The following THADA variants were observed in gnomAD, a reference collection of about 807,000 sequenced individuals.
THADA encodes the protein THADA armadillo repeat containing.
A neutral mutation model predicts 219.8 loss-of-function variants in THADA; 213 were observed. The observed-to-expected ratio is 0.97, with a 90% CI of 0.87 to 1.09. The LOEUF is 1.09. Among genes scored for constraint, THADA ranks in the 50% least tolerant of loss-of-function variants. The probability of loss-of-function intolerance (pLI) is 0.00; values close to 1 mark genes in which losing one functional copy is unlikely to be tolerated. For synonymous variants in THADA, 1,018 were observed against 828.9 expected, an observed-to-expected ratio of 1.23 and a Z score of -3.92; for missense variants, 2,956 against 2,311.3, an observed-to-expected ratio of 1.28 and a Z score of -5.72.
chr2:43,267,735 C>G (rs72877315), intron 36 of THADA, among the ~76,000 whole-genome samples: 1,836 of 150,310 alleles, frequency 0.012, 27 homozygotes, highest in African/African-American at 0.04. Flanking sequence ...GTCAGAGCAC[C>G]AAGAAAGAAG....
intron 26 of THADA, among the ~76,000 whole-genome samples, chr2:43,480,166 G>T (rs1686016761): frequency 6.6e-6 from 1 of 152,226 alleles, no homozygotes; most frequent in South Asian, 2.1e-4. Flanking sequence ...ATGGCCACAG[G>T]CAAGTAGCTA....
rs897258404 is a variant in THADA at position 43,280,040 on chromosome 2, G to C, written c.5165-144C>G. The stretch of plus-strand genomic sequence containing the variant: ...TTTCTGGGTATTGTTAAGATAGAAA[G>C]AGTGTTAGACAAACATTGGCAAAGA... On this transcript the variant is annotated intron_variant, in intron 35 of 37. Transcript: ENST00000405975. 1.2e-5 allele frequency: 11 copies of C among 883,192 alleles called. No individual in the cohort carries two copies. In the African/African-American group the frequency reaches 1.8e-4, roughly 14 times the overall value. 54.7% of individuals were successfully genotyped at this position (883,192 alleles called of 1,614,324 possible). A position where few individuals can be genotyped will look rare whatever the true frequency, so the allele number is the denominator to read the frequency against.
intron 36 of THADA, among the ~76,000 whole-genome samples, chr2:43,251,494 G>C (rs1358865920): frequency 1.3e-5 from 2 of 152,208 alleles, no homozygotes; most frequent in Non-Finnish European, 1.5e-5. Context: ...CTCTCTAAAA[G>C]CAGAAGCCCC....
chr2:43,360,040 A>C lies in THADA; in HGVS notation c.4228-15803T>G, dbSNP rs184674251. Among the ~76,000 whole-genome samples the C allele has an allele frequency of 5.3e-5, 8 of 152,242 alleles. No individual in the cohort carries two copies. In the East Asian group the frequency reaches 1.5e-3, roughly 29 times the overall value. Reference sequence around the variant, plus strand: ...CTAACATGGTGTGCTGGGCAAATTAATCAAAGTGCAATTATCAGTCTATTA... The same window carrying C: ...CTAACATGGTGTGCTGGGCAAATTACTCAAAGTGCAATTATCAGTCTATTA... On this transcript the variant is annotated intron_variant, in intron 29 of 37. Transcript: ENST00000405975.
intron 29 of THADA, among the ~76,000 whole-genome samples, chr2:43,376,822 C>T (rs533411367): frequency 6.6e-5 from 10 of 152,178 alleles, no homozygotes; most frequent in Admixed American, 2.0e-4. Context: ...AATTAAGATT[C>T]ATGGGGTCTG....
chr2:43,577,174 C>T lies in THADA; in HGVS notation c.885G>A (p.Arg295=), dbSNP rs750970313. 2.8e-5 allele frequency: 45 copies of T among 1,608,144 alleles called. 1 individual carries two copies. In the South Asian group the frequency reaches 4.5e-4, roughly 16 times the overall value. Residue 295 remains arginine (R), a synonymous_variant, in exon 10 of 38, where the codon AGG becomes AGA. Coordinates refer to ENST00000405975, the MANE Select transcript of THADA (RefSeq NM_022065.5). ...SVPEWFMSSC[R]SLCCGDISQS... ...GAGAGATGTCACCACAACAGAGGCT[C>T]CTGCAGCTGCTCATAAACCACTCGG...
chr2:43,297,984 G>C (rs1205030796), intron 31 of THADA, among the ~76,000 whole-genome samples: 1 of 4,346 alleles, frequency 2.3e-4, no homozygotes, highest in Non-Finnish European at 5.5e-4. Context: ...CAGCCGCCCC[G>C]TCCGGGAGGG....
At chr2:43,361,816 T>G (rs1326545079) in intron 29 of THADA, among the ~76,000 whole-genome samples, 1 of 152,228 alleles carries the variant, frequency 6.6e-6, no homozygotes, top group Non-Finnish European at 1.5e-5. Context: ...ATAAGTTAAA[T>G]TTTCTGTATT....
intron 20 of THADA, among the ~76,000 whole-genome samples, chr2:43,546,738 T>A (rs1237188943): frequency 6.6e-6 from 1 of 152,092 alleles, no homozygotes; most frequent in Non-Finnish European, 1.5e-5. Flanking sequence ...TCTTCCTCCA[T>A]CCTTTTATTT....
At chr2:43,446,823 C>G (rs1247904175) in intron 26 of THADA, among the ~76,000 whole-genome samples, 1 of 152,088 alleles carries the variant, frequency 6.6e-6, no homozygotes, top group Non-Finnish European at 1.5e-5. Context: ...TATATTGATT[C>G]TCTCATAGTT....
At chr2:43,513,243 G>A (rs1186922988) in intron 22 of THADA, among the ~76,000 whole-genome samples, 1 of 152,180 alleles carries the variant, frequency 6.6e-6, no homozygotes, top group Non-Finnish European at 1.5e-5. Context: ...TGAAATGATA[G>A]AGATGAAACA....
Position 43,428,248 on chromosome 2 carries a change from T to C in THADA, c.3927-17A>G. 6.3e-7 allele frequency: 1 copy of C among 1,577,184 alleles called. No homozygotes were observed. Among genetic ancestry groups the C allele is most frequent in the Non-Finnish European group, 8.6e-7 (1 of 1,158,748 alleles). On this transcript the variant is annotated splice_polypyrimidine_tract_variant and intron_variant, in intron 27 of 37. Coordinates refer to ENST00000405975, the MANE Select transcript of THADA (RefSeq NM_022065.5). The stretch of plus-strand genomic sequence containing the variant: ...CCCATATCACTGAAACAACAATTAT[T>C]ACACATGAAAGATTTCACATTTAGG...
intron 31 of THADA, among the ~76,000 whole-genome samples, chr2:43,301,633 C>T (rs973615153): frequency 8.5e-5 from 13 of 152,334 alleles, no homozygotes; most frequent in Non-Finnish European, 1.8e-4. Context: ...AGAAATGCTG[C>T]TTTTCTCTTG....
chr2:43,501,306 CCAAAAAAA>C (rs1241412793), intron 24 of THADA, among the ~76,000 whole-genome samples: 2 of 12,280 alleles, frequency 1.6e-4, no homozygotes, highest in African/African-American at 5.4e-4. Flanking sequence ...AACTCCAACT[CCAAAAAAA>C]AAAAAAAAAA....
At chr2:43,375,966 C>T (rs947439233) in intron 29 of THADA, among the ~76,000 whole-genome samples, 3 of 152,134 alleles carry the variant, frequency 2.0e-5, no homozygotes, top group African/African-American at 7.2e-5. Flanking sequence ...CAAGAAACAC[C>T]ACCCACCTGC....
chr2:43,482,688 G>A (rs373660763), intron 26 of THADA, among the ~76,000 whole-genome samples: 2 of 152,150 alleles, frequency 1.3e-5, no homozygotes, highest in African/African-American at 4.8e-5. Context: ...CAGATACTAT[G>A]CTAGACTCTA....
chr2:43,360,667 C>T (rs1669406270), intron 29 of THADA, among the ~76,000 whole-genome samples: 1 of 152,166 alleles, frequency 6.6e-6, no homozygotes, highest in Admixed American at 6.5e-5. Context: ...CTGAATGAAA[C>T]AATGACTCTC....
intron 36 of THADA, among the ~76,000 whole-genome samples, chr2:43,244,419 C>T (rs1668927368): frequency 6.6e-6 from 1 of 152,252 alleles, no homozygotes; most frequent in Admixed American, 6.5e-5. Context: ...CAACCTGGAG[C>T]TGTCACAGCC....
At chr2:43,425,912 T>G (rs1678369111) in intron 28 of THADA, among the ~76,000 whole-genome samples, 1 of 152,208 alleles carries the variant, frequency 6.6e-6, no homozygotes, top group Admixed American at 6.5e-5. Flanking sequence ...ATGTGCTCTT[T>G]CTGTTACACC....
Sources: gnomAD v4.1 joint callset for allele counts (sites outside exome capture counted in the v4.1 genomes callset) on GRCh38, gnomAD v4.1.1 for gene constraint, MANE v1.5 for transcripts, NCBI Gene and HGNC (gene_info 2026-07-23, HGNC 2026-07-21) for gene names.